Variants in CHODL observed in about 807,000 individuals in gnomAD.
The protein encoded by CHODL is transmembrane protein MT75.
A neutral mutation model predicts 34.5 loss-of-function variants in CHODL; 29 were observed. That is an observed-to-expected ratio of 0.84 (90% confidence interval 0.63 to 1.15). The LOEUF is 1.15. Ranked by LOEUF, CHODL falls within the 50% of genes most tolerant of loss-of-function variation. CHODL has a pLI of 0.00. For synonymous variants in CHODL, 125 were observed against 116.1 expected (o/e 1.08, Z -0.49); for missense variants, 332 against 332.5 (o/e 1.00, Z 0.01).
intron 5 of CHODL, among the ~76,000 whole-genome samples, chr21:18,265,310 C>CACATATATAT (rs1555887739): frequency 2.7e-5 from 4 of 147,214 alleles, no homozygotes; most frequent in African/African-American, 1.0e-4. Context: ...CACACACACA[C>CACATATATAT]ATATATATAT....
At chr21:18,016,302 G>T (rs146356135) in intron 1 of CHODL, among the ~76,000 whole-genome samples, 77 of 152,346 alleles carry the variant, frequency 5.1e-4, no homozygotes, top group Admixed American at 2.0e-3. Flanking sequence ...AGGGGCCAAG[G>T]TGGAGCTCAG....
chr21:18,011,728 A>G (rs1216039624), intron 1 of CHODL, among the ~76,000 whole-genome samples: 1 of 152,226 alleles, frequency 6.6e-6, no homozygotes, highest in Non-Finnish European at 1.5e-5. Flanking sequence ...AAAGTTTTAA[A>G]GCTCAGGTAA....
intron 1 of CHODL, among the ~76,000 whole-genome samples, chr21:17,937,960 G>C (rs2063330975): frequency 6.6e-6 from 1 of 152,168 alleles, no homozygotes; most frequent in Non-Finnish European, 1.5e-5. Context: ...TACTGGGCAA[G>C]TTCCTAAACT....
intron 2 of CHODL, among the ~76,000 whole-genome samples, chr21:18,168,889 G>T (rs1195697438): frequency 6.6e-6 from 1 of 151,990 alleles, no homozygotes; most frequent in African/African-American, 2.4e-5. Context: ...GAATTCTATA[G>T]GTTTAGCTCT....
chr21:18,043,001 AATT>A (rs1333327618), intron 2 of CHODL, among the ~76,000 whole-genome samples: 8 of 151,982 alleles, frequency 5.3e-5, no homozygotes, highest in African/African-American at 1.9e-4. Context: ...TGAATGAATG[AATT>A]ATTATTTGCT....
At chr21:18,228,029 T>C (rs1243438215) in intron 2 of CHODL, among the ~76,000 whole-genome samples, 2 of 152,194 alleles carry the variant, frequency 1.3e-5, no homozygotes, top group Non-Finnish European at 2.9e-5. Flanking sequence ...ATCTTTTGAC[T>C]GGATGGGAAC....
chr21:18,019,899 A>C (rs1052114026), intron 1 of CHODL, among the ~76,000 whole-genome samples: 17 of 152,088 alleles, frequency 1.1e-4, no homozygotes, highest in African/African-American at 3.4e-4. Context: ...ATAAGACTCT[A>C]AAAGCTTCTG....
chr21:18,135,434 A>C (rs1193677917), intron 2 of CHODL, among the ~76,000 whole-genome samples: 1 of 152,080 alleles, frequency 6.6e-6, no homozygotes, highest in Non-Finnish European at 1.5e-5. Flanking sequence ...AGTTGCTTCG[A>C]TGGAAGCAAT....
At chr21:17,985,693 C>G (rs1275473404) in intron 1 of CHODL, among the ~76,000 whole-genome samples, 1 of 152,286 alleles carries the variant, frequency 6.6e-6, no homozygotes, top group East Asian at 1.9e-4. Context: ...AGCTACATTC[C>G]ACCATTACGG....
At position 17,918,852 on chromosome 21, in the gene CHODL, C is replaced by T. The variant is rs564580295; in HGVS notation, c.-145+1452C>T. On this transcript the variant is annotated intron_variant, in intron 1 of 6. Transcript: ENST00000400127. ...GTTAGTTACTTCCTAGATACAATGGCGGTACAGGAATTGGGTAAATGCAGC... is the reference window on the plus strand; with the variant it reads ...GTTAGTTACTTCCTAGATACAATGGTGGTACAGGAATTGGGTAAATGCAGC... 1.6e-3 allele frequency among the ~76,000 whole-genome samples: 246 copies of T among 152,294 alleles called. 3 individuals carry two copies. Among genetic ancestry groups the T allele is most frequent in the Non-Finnish European group, 7.8e-4 (53 of 68,032 alleles).
intron 2 of CHODL, among the ~76,000 whole-genome samples, chr21:18,070,007 C>CCCTTCCCTTCCCTTT (rs1568870068): frequency 1.4e-5 from 1 of 70,736 alleles, no homozygotes; most frequent in Admixed American, 1.5e-4. Flanking sequence ...CCCTTCCCTT[C>CCCTTCCCTTCCCTTT]CCTTCCCTTC....
chr21:18,251,123 T>G (rs1010905096), intron 1 of CHODL, among the ~76,000 whole-genome samples: 1 of 151,438 alleles, frequency 6.6e-6, no homozygotes, highest in African/African-American at 2.4e-5. Flanking sequence ...CCTGACTTCA[T>G]GAGTTTGGCC....
chr21:18,266,253 C>T lies in CHODL; in HGVS notation c.*215C>T. On this transcript the variant is annotated 3_prime_UTR_variant, in exon 6 of 6. Coordinates refer to ENST00000299295, the MANE Select transcript of CHODL (RefSeq NM_024944.3). ...AATGGAGTGAGACATGCTTATTTTG[C>T]TAAAGGATGCACCCAAACTTCAAAC... is the stretch of plus-strand genomic sequence containing the variant. The T allele has an allele frequency of 1.4e-6, 2 of 1,452,094 alleles. No individual in the cohort carries two copies. The highest frequency in any genetic ancestry group is 9.1e-7 in the Non-Finnish European group (1 of 1,097,872). The allele number at this position is 1,452,094 out of a possible 1,614,324, so 90.0% of individuals were successfully genotyped here.
intron 2 of CHODL, among the ~76,000 whole-genome samples, chr21:18,236,243 T>C (rs1252893544): frequency 6.6e-6 from 1 of 152,012 alleles, no homozygotes; most frequent in African/African-American, 2.4e-5. Flanking sequence ...ATAAAACCAT[T>C]AGAGCTTGTG....
At chr21:18,108,348 G>T (rs973635037) in intron 2 of CHODL, among the ~76,000 whole-genome samples, 8 of 152,098 alleles carry the variant, frequency 5.3e-5, no homozygotes, top group African/African-American at 1.9e-4. Context: ...CCTCAATGAC[G>T]TCTTACTATA....
chr21:18,084,480 C>T (rs759287827), intron 2 of CHODL, among the ~76,000 whole-genome samples: 2 of 152,072 alleles, frequency 1.3e-5, no homozygotes, highest in African/African-American at 2.4e-5. Flanking sequence ...ATTTAACTCA[C>T]AGAGAAAAAT....
chr21:18,002,928 C>T (rs1048541634), intron 1 of CHODL, among the ~76,000 whole-genome samples: 1 of 152,000 alleles, frequency 6.6e-6, no homozygotes, highest in Non-Finnish European at 1.5e-5. Context: ...TCGAGACCAT[C>T]CGGGCTAACA....
At chr21:17,988,402 T>TTA (rs35200840) in intron 1 of CHODL, among the ~76,000 whole-genome samples, 71,674 of 139,674 alleles carry the variant, frequency 0.51, 18,471 homozygotes, top group African/African-American at 0.66. Flanking sequence ...TTCCTTTTTT[T>TTA]TTATTATTAT....
chr21:17,994,541 C>G (rs915029924), intron 1 of CHODL, among the ~76,000 whole-genome samples: 10 of 152,074 alleles, frequency 6.6e-5, no homozygotes, highest in African/African-American at 2.4e-4. Context: ...GCCCACAGGC[C>G]TGTGGATGGC....
Sources: gnomAD v4.1 joint callset for allele counts (sites outside exome capture counted in the v4.1 genomes callset) on GRCh38, gnomAD v4.1.1 for gene constraint, MANE v1.5 for transcripts, NCBI Gene and HGNC (gene_info 2026-07-23, HGNC 2026-07-21) for gene names.